Variants in ABCA12 observed in about 807,000 individuals in gnomAD.
ABCA12 encodes the protein glucosylceramide transporter ABCA12.
Under a neutral mutation model 293.5 loss-of-function variants are expected in ABCA12, and 156 were observed. The ratio of observed to expected loss-of-function variants is 0.53; its 90% CI spans 0.47 to 0.61. The LOEUF is 0.61. ABCA12 is among the 20% of genes least tolerant of loss of function. The pLI, the probability that ABCA12 is intolerant of heterozygous loss-of-function variation, is 0.00. For missense variants in ABCA12, 2,797 were observed against 3,090.2 expected, an observed-to-expected ratio of 0.91 and a Z score of 2.25; for synonymous variants, 1,063 against 1,108.0, an observed-to-expected ratio of 0.96 and a Z score of 0.81.
chr2:215,063,598 A>T (rs1701578620), intron 3 of ABCA12, among the ~76,000 whole-genome samples: 1 of 150,238 alleles, frequency 6.7e-6, no homozygotes. Flanking sequence ...TTTTAACTTT[A>T]TTACTTTGAA....
At chr2:215,083,486 G>A (rs1377501682) in intron 2 of ABCA12, among the ~76,000 whole-genome samples, 1 of 152,140 alleles carries the variant, frequency 6.6e-6, no homozygotes, top group African/African-American at 2.4e-5. Flanking sequence ...AGCATTGATT[G>A]CATTTGGGTA....
At chr2:215,070,484 C>A (rs1310250899) in intron 2 of ABCA12, among the ~76,000 whole-genome samples, 1 of 150,826 alleles carries the variant, frequency 6.6e-6, no homozygotes, top group Non-Finnish European at 1.5e-5. Flanking sequence ...CACCCATTAA[C>A]TCGTCAGTCA....
At chr2:215,009,982 C>A (rs1296335410) in intron 18 of ABCA12, among the ~76,000 whole-genome samples, 3 of 152,110 alleles carry the variant, frequency 2.0e-5, no homozygotes, top group Admixed American at 6.6e-5. Flanking sequence ...CTCAATATTA[C>A]TTTTTCTAGT....
In ABCA12 at chr2:214,940,148, G is replaced by A. The variant is rs185655059; in HGVS notation, c.7437-2533C>T. Among the ~76,000 whole-genome samples the A allele has an allele frequency of 3.6e-3, 551 of 151,830 alleles. 5 individuals carry two copies. The highest frequency in any genetic ancestry group is 0.013 in the African/African-American group (523 of 41,492). On this transcript the variant is annotated intron_variant, in intron 50 of 52. Coordinates refer to ENST00000272895, the MANE Select transcript of ABCA12 (RefSeq NM_173076.3). ...TTTGAGATACAGTCCATCAATACCT[G>A]GTTTATTGAGAGTTTTTAGCATGAA... is the stretch of plus-strand genomic sequence containing the variant.
At chr2:215,057,235 AGC>A (rs1701437409) in intron 3 of ABCA12, among the ~76,000 whole-genome samples, 1 of 152,006 alleles carries the variant, frequency 6.6e-6, no homozygotes, top group South Asian at 2.1e-4. Context: ...CCAGCAAATT[AGC>A]AATAATAACA....
At position 214,976,019 on chromosome 2, in the gene ABCA12, CCTCTT is replaced by C. The variant is rs1274669887; in HGVS notation, c.5142_5146del (p.Gly1716GlufsTer78). 1.2e-6 allele frequency: 2 copies of C among 1,614,002 alleles called. No homozygotes were observed. The highest frequency in any genetic ancestry group is 1.7e-6 in the Non-Finnish European group (2 of 1,179,980). ...CAGTCCAAAGCCATCCAGCCTCTCT[CCTCTT>C]GTCAGGATTTTGTCTGATTAAGAAA... On this transcript the variant is annotated frameshift_variant, in exon 34 of 53. Transcript: ENST00000272895. LOFTEE classifies it high-confidence loss of function.
chr2:214,996,166 T>A (rs1700028464), intron 23 of ABCA12, among the ~76,000 whole-genome samples: 1 of 152,172 alleles, frequency 6.6e-6, no homozygotes, highest in Non-Finnish European at 1.5e-5. Context: ...AAAACAAGTC[T>A]TTTGCATTTT....
intron 2 of ABCA12, among the ~76,000 whole-genome samples, chr2:215,100,980 C>T (rs1001805915): frequency 6.6e-6 from 1 of 152,142 alleles, no homozygotes; most frequent in Non-Finnish European, 1.5e-5. Flanking sequence ...TGAACACGTC[C>T]TTCTTTAGAC....
chr2:214,986,426 C>T, intron 28 of ABCA12, 116 bp downstream of exon 28: 1 of 1,046,374 alleles, frequency 9.6e-7, no homozygotes, highest in Admixed American at 2.0e-5. Context: ...CCATCTTCCT[C>T]CATCTGGGAA....
In ABCA12 at chr2:214,970,298, T is replaced by C. The variant is rs1699357918; in HGVS notation, c.5665A>G (p.Thr1889Ala). 2 of 1,612,816 alleles carry C rather than the reference T, an allele frequency of 1.2e-6. No individual in the cohort carries two copies. Among genetic ancestry groups the C allele is most frequent in the Non-Finnish European group, 1.7e-6 (2 of 1,179,312 alleles). ...GQRVENYLIS[T>A]ANEFVQKRYG... is the part of the protein sequence containing the mutation. ...CTTTTTTGGACAAACTCATTTGCAGTTGATATAAGATAATTTTCCACTCGT... is the reference window on the plus strand; with the variant it reads ...CTTTTTTGGACAAACTCATTTGCAGCTGATATAAGATAATTTTCCACTCGT... Residue 1889 changes from threonine to alanine, a missense_variant, in exon 37 of 53, where the codon ACT (threonine) becomes GCT (alanine). Transcript: ENST00000272895.
intron 20 of ABCA12, among the ~76,000 whole-genome samples, chr2:215,003,206 G>C (rs888118708): frequency 6.6e-6 from 1 of 152,140 alleles, no homozygotes; most frequent in African/African-American, 2.4e-5. Flanking sequence ...CTCTCAATCC[G>C]TTTCTCATAC....
At chr2:214,999,119 T>C (rs1401797464) in intron 22 of ABCA12, among the ~76,000 whole-genome samples, 1 of 152,196 alleles carries the variant, frequency 6.6e-6, no homozygotes, top group African/African-American at 2.4e-5. Context: ...TATTCCATTT[T>C]TTTTGTTGTT....
Position 215,138,335 on chromosome 2 carries a change from G to T in ABCA12, c.-127C>A. On this transcript the variant is annotated 5_prime_UTR_variant, in exon 1 of 53. Coordinates refer to ENST00000272895, the MANE Select transcript of ABCA12 (RefSeq NM_173076.3). ...CCCTTTCACGGCATAGCTTCCTTGAGGGCTGGGGTAAGAAACCCACAGTTC... is the reference window on the plus strand; with the variant it reads ...CCCTTTCACGGCATAGCTTCCTTGATGGCTGGGGTAAGAAACCCACAGTTC... 1 of 1,009,262 alleles carries T rather than the reference G, an allele frequency of 9.9e-7. No individual in the cohort carries two copies. The highest frequency in any genetic ancestry group is 1.6e-6 in the Non-Finnish European group (1 of 636,730). 62.5% of individuals were successfully genotyped at this position (1,009,262 alleles called of 1,614,324 possible).
At chr2:215,117,564 G>T (rs906667732) in intron 1 of ABCA12, among the ~76,000 whole-genome samples, 2 of 152,124 alleles carry the variant, frequency 1.3e-5, no homozygotes, top group African/African-American at 4.8e-5. Context: ...AAAACCCGAT[G>T]TTCTAAAAAA....
rs1701338863 is a variant in ABCA12, at chr2:215,052,500, A to C, written c.494T>G (p.Leu165Arg). The part of the protein sequence containing the change: ...FNGSQVLARI[L>R]GLEKLLKQNS... ...GAATCAAGTTACCTTTTCCAAGCCA[A>C]GAATTCGTGCGAGCACTTGACTGCC... The change falls in exon 5 of 53, where the codon CTT (leucine) becomes CGT (arginine). Residue 165 changes from leucine to arginine, a missense_variant. Around this residue, in one of 3 missense-constraint regions of ABCA12, gnomAD observed 656 missense variants for 638.2 expected, o/e 1.03. Coordinates refer to ENST00000272895, the MANE Select transcript of ABCA12 (RefSeq NM_173076.3). The C allele has an allele frequency of 6.2e-7, 1 of 1,612,496 alleles. No individual in the cohort carries two copies.
chr2:215,105,214 C>T (rs1464788032), intron 2 of ABCA12, among the ~76,000 whole-genome samples: 1 of 152,080 alleles, frequency 6.6e-6, no homozygotes, highest in Non-Finnish European at 1.5e-5. Context: ...ACTTAAAGAC[C>T]ATTATAAGCC....
Position 215,025,457 on chromosome 2 carries a change from A to G in ABCA12, c.1287+216T>C, listed in dbSNP as rs1700717253. ...ATTACAGGCATGAGCCACGGCATCC[A>G]GCCATAAACTCTTTTGTCACCATTT... is the stretch of plus-strand genomic sequence containing the variant. On this transcript the variant is annotated intron_variant, in intron 11 of 52. Transcript: ENST00000272895. The G allele has an allele frequency of 8.2e-6, 4 of 490,052 alleles. No homozygotes were observed. In the South Asian group the frequency reaches 9.0e-5, roughly 11 times the overall value. 30.4% of individuals were successfully genotyped at this position (490,052 alleles called of 1,614,324 possible). A position where few individuals can be genotyped will look rare whatever the true frequency, so the allele number is the denominator to read the frequency against.
intron 1 of ABCA12, among the ~76,000 whole-genome samples, chr2:215,131,502 G>GT (rs967912105): frequency 5.3e-5 from 8 of 150,984 alleles, no homozygotes; most frequent in African/African-American, 1.9e-4. Context: ...TTTTCTTTAG[G>GT]TTTTCTAGTT....
chr2:215,097,224 T>C (rs1244083807), intron 2 of ABCA12, among the ~76,000 whole-genome samples: 2 of 152,090 alleles, frequency 1.3e-5, no homozygotes, highest in African/African-American at 4.8e-5. Flanking sequence ...CCCACTCTTC[T>C]CCATGCAAAT....
Sources: gnomAD v4.1 joint callset for allele counts (sites outside exome capture counted in the v4.1 genomes callset) on GRCh38, gnomAD v4.1.1 for gene constraint, gnomAD v4.1.1 regional missense constraint, MANE v1.5 for transcripts, NCBI Gene and HGNC (gene_info 2026-07-23, HGNC 2026-07-21) for gene names.